NREP: variants seen among roughly 807,000 people sequenced by gnomAD.
NREP encodes the protein neuronal regeneration-related protein.
Under a neutral mutation model 8.6 loss-of-function variants are expected in NREP, and 5 were observed. The observed-to-expected ratio is 0.58, with a 90% CI of 0.30 to 1.22. NREP has a LOEUF of 1.22. NREP is among the 50% of genes most tolerant of loss of function. NREP has a pLI of 0.07. For missense variants in NREP, 86 were observed against 82.5 expected (o/e 1.04, Z -0.17); for synonymous variants, 27 against 28.0 (o/e 0.96, Z 0.11).
chr5:111,906,565 A>G (rs1754783993), intron 2 of NREP, among the ~76,000 whole-genome samples: 1 of 152,128 alleles, frequency 6.6e-6, no homozygotes, highest in African/African-American at 2.4e-5. Context: ...TTTACCTTAG[A>G]TAATAAAGCA....
intron 2 of NREP, among the ~76,000 whole-genome samples, chr5:111,767,824 C>T (rs1248060736): frequency 6.6e-6 from 1 of 152,048 alleles, no homozygotes; most frequent in East Asian, 1.9e-4. Flanking sequence ...TGCCGCCCTG[C>T]CTGGCTAGTA....
At chr5:111,853,097 C>A (rs1288253723) in intron 2 of NREP, among the ~76,000 whole-genome samples, 1 of 152,052 alleles carries the variant, frequency 6.6e-6, no homozygotes, top group African/African-American at 2.4e-5. Context: ...GAACTCAGAA[C>A]TGTATACTTA....
chr5:111,844,841 T>C (rs979861482), intron 2 of NREP, among the ~76,000 whole-genome samples: 1 of 151,292 alleles, frequency 6.6e-6, no homozygotes, highest in African/African-American at 2.4e-5. Flanking sequence ...ACTTGTTATA[T>C]GCAAATTGTG....
At chr5:111,766,164 T>C (rs1751078170) in intron 2 of NREP, among the ~76,000 whole-genome samples, 1 of 152,222 alleles carries the variant, frequency 6.6e-6, no homozygotes, top group African/African-American at 2.4e-5. Flanking sequence ...ATTACACAAC[T>C]TGCTGGAATC....
chr5:111,879,775 C>A (rs768285028), intron 2 of NREP, among the ~76,000 whole-genome samples: 1 of 152,172 alleles, frequency 6.6e-6, no homozygotes, highest in Non-Finnish European at 1.5e-5. Flanking sequence ...TCCTTCCTGA[C>A]TTGCAGAAAG....
chr5:111,731,627 G>T (rs1386636920), intron 3 of NREP, among the ~76,000 whole-genome samples: 11 of 152,156 alleles, frequency 7.2e-5, no homozygotes, highest in African/African-American at 2.4e-5. Flanking sequence ...GAGAAATGAT[G>T]TGAGGGTGCC....
intron 2 of NREP, among the ~76,000 whole-genome samples, chr5:111,837,658 G>T (rs1007510947): frequency 6.6e-6 from 1 of 151,984 alleles, no homozygotes; most frequent in Non-Finnish European, 1.5e-5. Context: ...TAATAATTAT[G>T]TGCAAAGAGT....
intron 2 of NREP, among the ~76,000 whole-genome samples, chr5:111,857,367 C>G (rs147360570): frequency 1.3e-4 from 20 of 152,290 alleles, no homozygotes; most frequent in Non-Finnish European, 2.5e-4. Flanking sequence ...ATCCAAAAGC[C>G]AATGATAGTT....
chr5:111,801,944 A>C (rs1013499240), intron 2 of NREP, among the ~76,000 whole-genome samples: 1 of 152,190 alleles, frequency 6.6e-6, no homozygotes, highest in African/African-American at 2.4e-5. Flanking sequence ...TTTGCTGTGC[A>C]TGGGACTCTG....
At chr5:111,916,955 G>C (rs4957992) in intron 2 of NREP, among the ~76,000 whole-genome samples, 1 of 151,992 alleles carries the variant, frequency 6.6e-6, no homozygotes, top group Non-Finnish European at 1.5e-5. Context: ...CTTTAGAGCA[G>C]GAAAGAAAGG....
chr5:111,863,447 A>G (rs887640938), intron 2 of NREP, among the ~76,000 whole-genome samples: 5 of 152,274 alleles, frequency 3.3e-5, no homozygotes, highest in African/African-American at 1.2e-4. Context: ...CTGTGCTGAA[A>G]ATGCACATTT....
At chr5:111,953,227 T>G (rs796842524) in intron 2 of NREP, among the ~76,000 whole-genome samples, 5 of 152,128 alleles carry the variant, frequency 3.3e-5, no homozygotes, top group Non-Finnish European at 5.9e-5. Context: ...TAGGAAGGCA[T>G]AGGCTCAAAG....
intron 2 of NREP, among the ~76,000 whole-genome samples, chr5:111,890,778 C>A (rs1271978681): frequency 1.3e-5 from 2 of 152,198 alleles, no homozygotes; most frequent in Non-Finnish European, 2.9e-5. Flanking sequence ...GTGTCTCAGA[C>A]TGGGTAAGGT....
At chr5:111,894,806 G>C (rs981156973) in intron 2 of NREP, among the ~76,000 whole-genome samples, 5 of 152,206 alleles carry the variant, frequency 3.3e-5, no homozygotes, top group African/African-American at 1.2e-4. Flanking sequence ...GTAATATCAA[G>C]ACCAGAATGG....
chr5:111,808,971 CCTT>C (rs1202669186), intron 2 of NREP, among the ~76,000 whole-genome samples: 1 of 152,122 alleles, frequency 6.6e-6, no homozygotes, highest in Non-Finnish European at 1.5e-5. Flanking sequence ...TTACAAATGA[CCTT>C]CTTCTTTTCA....
At chr5:111,816,569 T>G (rs1752389971) in intron 2 of NREP, among the ~76,000 whole-genome samples, 1 of 152,004 alleles carries the variant, frequency 6.6e-6, no homozygotes, top group South Asian at 2.1e-4. Context: ...TCATAATACC[T>G]AGGGTATACT....
chr5:111,829,501 T>A (rs763878356), intron 2 of NREP, among the ~76,000 whole-genome samples: 1 of 152,192 alleles, frequency 6.6e-6, no homozygotes, highest in Non-Finnish European at 1.5e-5. Context: ...TTCTTCCCAA[T>A]CTGCACCCAC....
chr5:111,837,400 A>G (rs1752921071), intron 2 of NREP, among the ~76,000 whole-genome samples: 1 of 152,110 alleles, frequency 6.6e-6, no homozygotes, highest in African/African-American at 2.4e-5. Context: ...AAGCTTCAAA[A>G]AGAATAATGG....
intron 2 of NREP, among the ~76,000 whole-genome samples, chr5:111,809,957 T>C (rs1752234469): frequency 6.6e-6 from 1 of 151,550 alleles, no homozygotes; most frequent in African/African-American, 2.4e-5. Context: ...ATCTCTAGAC[T>C]AGCTAGATTC....
Sources: allele counts gnomAD v4.1 joint callset (sites outside exome capture counted in the v4.1 genomes callset), GRCh38; gene constraint gnomAD v4.1.1; transcripts MANE v1.5; gene names NCBI Gene and HGNC (gene_info 2026-07-23, HGNC 2026-07-21).